PLEKHG5: variants seen among roughly 807,000 people sequenced by gnomAD.
PLEKHG5 encodes the protein pleckstrin homology and RhoGEF domain containing G5, also known as pleckstrin homology domain-containing family G member 5.
PLEKHG5 carries 52 observed loss-of-function variants against 103.8 expected under a neutral mutation model. That is an observed-to-expected ratio of 0.50 (90% CI 0.40 to 0.63). The LOEUF is 0.63. Ranked by LOEUF, PLEKHG5 falls within the 30% of genes least tolerant of loss-of-function variation. The pLI is 0.00. For missense variants in PLEKHG5, 1,205 were observed against 1,347.6 expected (o/e 0.89, Z 1.66); for synonymous variants, 592 against 575.5 (o/e 1.03, Z -0.41).
In PLEKHG5 at chr1:6,475,969, C is replaced by G. The variant is rs1244644253; in HGVS notation, c.111G>C (p.Leu37Phe). The G allele has an allele frequency of 1.2e-6, 2 of 1,614,062 alleles. No individual in the cohort carries two copies. Among genetic ancestry groups the G allele is most frequent in the Non-Finnish European group, 1.7e-6 (2 of 1,180,030 alleles). ...CPPRTSPAVD[L>F]EEEEEESSVD... Reference sequence around the variant, plus strand: ...CAGAGCTCTCCTCCTCCTCCTCCTCCAAGTCCACTGCGGGGCTGGTGCGCG... The same window carrying G: ...CAGAGCTCTCCTCCTCCTCCTCCTCGAAGTCCACTGCGGGGCTGGTGCGCG... The change falls in exon 3 of 21, where the codon TTG becomes TTC. Residue 37 changes from leucine (L) to phenylalanine (F), a missense_variant. Transcript: ENST00000377728.
chr1:6,470,651 C>T lies in PLEKHG5; in HGVS notation c.1543-8G>A, dbSNP rs1381107093. 6.4e-7 allele frequency: 1 copy of T among 1,564,944 alleles called. No homozygotes were observed. The highest frequency in any genetic ancestry group is 8.6e-7 in the Non-Finnish European group (1 of 1,160,508). On this transcript the variant is annotated splice_region_variant and splice_polypyrimidine_tract_variant and intron_variant, in intron 14 of 20. Transcript: ENST00000377728. ...GCGCTCCACGGAGCCGATCTAGGGG[C>T]AGGTGAGGGAGCTTCAGGTCCAGGG...
chr1:6,499,660 T>C (rs1019097273), upstream of PLEKHG5, among the ~76,000 whole-genome samples: 1 of 152,082 alleles, frequency 6.6e-6, no homozygotes, highest in South Asian at 2.1e-4. Flanking sequence ...GTCCCCACCA[T>C]AGGCCTGTCA....
At chr1:6,508,923 G>A (rs538982229) in intron 1 of PLEKHG5, among the ~76,000 whole-genome samples, 5 of 152,346 alleles carry the variant, frequency 3.3e-5, no homozygotes, top group Middle Eastern at 3.4e-3. Flanking sequence ...GCCCCAGAGC[G>A]GTACACACAC....
At chr1:6,471,229 G>C in intron 12 of PLEKHG5, 129 bp from the exon 13 acceptor site, 2 of 841,902 alleles carry the variant, frequency 2.4e-6, no homozygotes, top group Non-Finnish European at 2.0e-6. Context: ...GCAAGCTTAT[G>C]ATCCCTGTTT....
At chr1:6,469,747 C>A (rs77492523) in intron 16 of PLEKHG5, 71 bp from the exon 17 acceptor site, 1 of 1,498,258 alleles carries the variant, frequency 6.7e-7, no homozygotes, top group East Asian at 2.3e-5. Flanking sequence ...GCACCAGCCT[C>A]CCCTGGGAGC....
chr1:6,473,766 G>A (rs1644669150), intron 7 of PLEKHG5, among the ~76,000 whole-genome samples: 1 of 152,158 alleles, frequency 6.6e-6, no homozygotes, highest in South Asian at 2.1e-4. Flanking sequence ...ACACACACAT[G>A]CACACACAGG....
At chr1:6,519,386 C>T in intron 1 of PLEKHG5, 1 of 1,348,452 alleles carries the variant, frequency 7.4e-7, no homozygotes, top group African/African-American at 1.4e-5. Flanking sequence ...AAAGCCCCTC[C>T]TTTCACTCTG....
In PLEKHG5 at chr1:6,469,290, T is replaced by A. The variant is rs1451696611; in HGVS notation, c.2049+45A>T. The A allele has an allele frequency of 3.1e-6, 5 of 1,612,948 alleles. No individual in the cohort carries two copies. The Admixed American group carries it at 6.7e-5, about 22-fold the overall frequency. ...GGGACAGAATGGGTTGTGACCAGCA[T>A]CTCCCTAATCTGCCTTGCCCACCCA... On this transcript the variant is annotated intron_variant, in intron 18 of 20. Coordinates refer to ENST00000377728, the MANE Select transcript of PLEKHG5 (RefSeq NM_020631.6).
chr1:6,468,598 G>A lies in PLEKHG5; in HGVS notation c.2250-12C>T, dbSNP rs748919291. On this transcript the variant is annotated splice_polypyrimidine_tract_variant and intron_variant, in intron 19 of 20. Transcript: ENST00000377728. ...AGCCATCTGAGGCACTGTGGGGCCA[G>A]GAGCAGAGTCAGCCCAGGCCATGAA... The A allele has an allele frequency of 6.2e-7, 1 of 1,612,910 alleles. No individual in the cohort carries two copies. Among genetic ancestry groups the A allele is most frequent in the Non-Finnish European group, 8.5e-7 (1 of 1,179,910 alleles).
chr1:6,496,539 A>G, upstream of PLEKHG5: 4 of 1,596,776 alleles, frequency 2.5e-6, no homozygotes, highest in Non-Finnish European at 3.4e-6. Flanking sequence ...CTGACAGCGC[A>G]GTCCCTTCTT....
At chr1:6,482,024 G>A (rs754898999) in intron 1 of PLEKHG5, among the ~76,000 whole-genome samples, 6 of 151,638 alleles carry the variant, frequency 4.0e-5, no homozygotes, top group East Asian at 1.9e-4. Context: ...TGGTCGTTCC[G>A]GGACACACTC....
At chr1:6,518,976 G>A (rs1638701385) in intron 1 of PLEKHG5, among the ~76,000 whole-genome samples, 1 of 152,230 alleles carries the variant, frequency 6.6e-6, no homozygotes, top group South Asian at 2.1e-4. Context: ...CCCGAGAGCT[G>A]GGACTACAGG....
chr1:6,495,898 C>G (rs1645217174), upstream of PLEKHG5, among the ~76,000 whole-genome samples: 1 of 152,250 alleles, frequency 6.6e-6, no homozygotes. Flanking sequence ...CCCAGCACAT[C>G]ACAGGCAGAA....
chr1:6,500,692 A>AC (rs531979809), upstream of PLEKHG5, among the ~76,000 whole-genome samples: 370 of 129,466 alleles, frequency 2.9e-3, 2 homozygotes, highest in Non-Finnish European at 3.8e-3. Flanking sequence ...ACCATGAACT[A>AC]CCCCCCTTGA....
At chr1:6,494,571 GTTA>G (rs1470116555), upstream of PLEKHG5, among the ~76,000 whole-genome samples, 1 of 152,116 alleles carries the variant, frequency 6.6e-6, no homozygotes, top group African/African-American at 2.4e-5. Flanking sequence ...GCCAGTAGTG[GTTA>G]TTATTATCAT....
intron 1 of PLEKHG5, chr1:6,485,567 G>A: frequency 1.0e-6 from 1 of 985,172 alleles, no homozygotes; most frequent in Non-Finnish European, 1.3e-6. Flanking sequence ...GCCGGGCCCG[G>A]AACAGCCCCC....
At chr1:6,482,316 C>A (rs11805154) in intron 1 of PLEKHG5, among the ~76,000 whole-genome samples, 2,777 of 152,286 alleles carry the variant, frequency 0.018, 82 homozygotes, top group African/African-American at 0.063. Flanking sequence ...GCCTGACCTC[C>A]GGTCCCAGCT....
At chr1:6,471,892 CTCCT>C (rs1644603982) in intron 10 of PLEKHG5, 84 bp from the exon 11 acceptor site, 1 of 1,348,000 alleles carries the variant, frequency 7.4e-7, no homozygotes, top group African/African-American at 1.4e-5. Flanking sequence ...TCCCCTGCCA[CTCCT>C]TCCCCTTCCC....
chr1:6,498,129 A>C (rs1645254477), upstream of PLEKHG5, among the ~76,000 whole-genome samples: 1 of 152,208 alleles, frequency 6.6e-6, no homozygotes, highest in Admixed American at 6.5e-5. Context: ...ACAGCCTCGC[A>C]GAGGTGGCCA....
Sources: gnomAD v4.1 joint callset for allele counts (sites outside exome capture counted in the v4.1 genomes callset) on GRCh38, gnomAD v4.1.1 for gene constraint, MANE v1.5 for transcripts, NCBI Gene and HGNC (gene_info 2026-07-23, HGNC 2026-07-21) for gene names.